The following CARM1 variants were observed in gnomAD, a reference collection of about 807,000 sequenced individuals.
CARM1 encodes the protein histone-arginine methyltransferase CARM1.
A neutral mutation model predicts 72.7 loss-of-function variants in CARM1; 14 were observed. The observed-to-expected ratio is 0.19, with a 90% CI of 0.13 to 0.30. The LOEUF is 0.30. Ranked by LOEUF, CARM1 falls within the 10% of genes least tolerant of loss-of-function variation. CARM1 has a pLI of 1.00. For synonymous variants in CARM1, 333 were observed against 345.5 expected (o/e 0.96, Z 0.40); for missense variants, 432 against 833.7 (o/e 0.52, Z 5.93).
intron 2 of CARM1, among the ~76,000 whole-genome samples, chr19:10,905,706 GC>G (rs1463347983): frequency 6.6e-6 from 1 of 152,132 alleles, no homozygotes; most frequent in East Asian, 1.9e-4. Context: ...GTGCCCATGA[GC>G]CACTGCCGGC....
chr19:10,873,472 C>T lies in CARM1; in HGVS notation c.220+1550C>T, dbSNP rs2073835712. 2.0e-5 allele frequency among the ~76,000 whole-genome samples: 3 copies of T among 151,330 alleles called. No individual in the cohort carries two copies. In the Admixed American group the frequency reaches 2.0e-4, roughly 10 times the overall value. On this transcript the variant is annotated intron_variant, in intron 1 of 15. Coordinates refer to ENST00000327064, the MANE Select transcript of CARM1 (RefSeq NM_199141.2). ...CGGGGTGTGGTGACATGTGCCTGTC[C>T]CAGCTACTCGGGAGGCAGAGGCAGG... is the stretch of plus-strand genomic sequence containing the variant.
intron 2 of CARM1, among the ~76,000 whole-genome samples, chr19:10,907,326 G>A (rs2074113178): frequency 6.6e-6 from 1 of 152,156 alleles, no homozygotes; most frequent in African/African-American, 2.4e-5. Context: ...GAGAACCACT[G>A]TCCCCAGCCA....
intron 1 of CARM1, among the ~76,000 whole-genome samples, chr19:10,885,521 A>G (rs1357957241): frequency 6.6e-6 from 1 of 152,176 alleles, no homozygotes; most frequent in Non-Finnish European, 1.5e-5. Context: ...GGACTGCAGA[A>G]AGGCCCCTGG....
At position 10,920,329 on chromosome 19, in the gene CARM1, T is replaced by C. The variant is rs2074231853; in HGVS notation, c.1197-107T>C. On this transcript the variant is annotated intron_variant, in intron 10 of 15. Coordinates refer to ENST00000327064, the MANE Select transcript of CARM1 (RefSeq NM_199141.2). The surrounding 1 kb of genome is among the most constrained non-coding windows in gnomAD (Gnocchi z 5.3). Reference sequence around the variant, plus strand: ...TGTCTCTGCTCCAGGGTCCCAGGGGTCCCTGGCAGAGGGGGCAGGTGCTTG... The same window carrying C: ...TGTCTCTGCTCCAGGGTCCCAGGGGCCCCTGGCAGAGGGGGCAGGTGCTTG... 5 of 1,314,184 alleles carry C rather than the reference T, an allele frequency of 3.8e-6. No individual in the cohort carries two copies. Among genetic ancestry groups the C allele is most frequent in the Non-Finnish European group, 1.0e-6 (1 of 960,024 alleles). 81.4% of individuals were successfully genotyped at this position (1,314,184 alleles called of 1,614,324 possible).
At chr19:10,902,387 G>A (rs988253156) in intron 1 of CARM1, among the ~76,000 whole-genome samples, 9 of 142,238 alleles carry the variant, frequency 6.3e-5, no homozygotes, top group East Asian at 2.3e-4. Flanking sequence ...TCCACCTCCC[G>A]GGTTCACACC....
At chr19:10,913,852 C>A in intron 5 of CARM1, 25 bp from the exon 6 acceptor site, 1 of 1,602,000 alleles carries the variant, frequency 6.2e-7, no homozygotes, top group Non-Finnish European at 8.5e-7. Context: ...CGCAGGGAAG[C>A]CCACATGGCC....
At chr19:10,899,379 A>G (rs924647064) in intron 1 of CARM1, among the ~76,000 whole-genome samples, 14 of 152,230 alleles carry the variant, frequency 9.2e-5, no homozygotes, top group African/African-American at 3.4e-4. Flanking sequence ...TGTGGCTAAC[A>G]GATCGACAGT....
At position 10,921,734 on chromosome 19, in the gene CARM1, A is replaced by G. The variant is rs766922607; in HGVS notation, c.1804A>G (p.Asn602Asp). 1.9e-6 allele frequency: 3 copies of G among 1,610,354 alleles called. No homozygotes were observed. The highest frequency in any genetic ancestry group is 1.7e-5 in the Admixed American group (1 of 59,688). The change falls in exon 16 of 16, where the codon AAC becomes GAC. Residue 602 changes from asparagine to aspartate, a missense_variant. Coordinates refer to ENST00000327064, the MANE Select transcript of CARM1 (RefSeq NM_199141.2). ...SMASPMSIPT[N>D]TMHYGS ...GGCGTCGCCCATGTCCATCCCGACC[A>G]ACACCATGCACTACGGGAGCTAGGG...
rs2074024561 is a variant in CARM1 at position 10,896,439 on chromosome 19, A to G, written c.221-8512A>G. On this transcript the variant is annotated intron_variant, in intron 1 of 15. Transcript: ENST00000327064. The surrounding 1 kb of genome is among the most constrained non-coding windows in gnomAD (Gnocchi z 5.2). ...TCCACCAAGAGCTGCCCTCTTCCCCATCCCCATTGCCTCCTGCCTGGCCAG... is the reference window on the plus strand; with the variant it reads ...TCCACCAAGAGCTGCCCTCTTCCCCGTCCCCATTGCCTCCTGCCTGGCCAG... Among the ~76,000 whole-genome samples the G allele has an allele frequency of 6.6e-6, 1 of 151,342 alleles. No homozygotes were observed. Among genetic ancestry groups the G allele is most frequent in the African/African-American group, 2.4e-5 (1 of 41,104 alleles).
chr19:10,901,839 G>C (rs1430296152), intron 1 of CARM1, among the ~76,000 whole-genome samples: 2 of 152,212 alleles, frequency 1.3e-5, no homozygotes, highest in Non-Finnish European at 2.9e-5. Flanking sequence ...TACTCAGGAG[G>C]CTGAGGCATA....
At chr19:10,885,650 G>T (rs1051928823) in intron 1 of CARM1, among the ~76,000 whole-genome samples, 2 of 152,212 alleles carry the variant, frequency 1.3e-5, no homozygotes, top group Non-Finnish European at 2.9e-5. Context: ...ACATTCCAGA[G>T]AATTTGCTGC....
intron 1 of CARM1, among the ~76,000 whole-genome samples, chr19:10,901,765 A>G (rs1021967250): frequency 2.6e-5 from 4 of 152,066 alleles, no homozygotes; most frequent in African/African-American, 9.7e-5. Context: ...AACATGACAA[A>G]ACCCCGTCTC....
At chr19:10,872,869 C>T (rs2073830826) in intron 1 of CARM1, among the ~76,000 whole-genome samples, 1 of 152,080 alleles carries the variant, frequency 6.6e-6, no homozygotes, top group Non-Finnish European at 1.5e-5. Flanking sequence ...CCCTGGGGAA[C>T]CCCTCAGGAG....
rs770781298 is a variant in CARM1 at position 10,920,633 on chromosome 19, T to C, written c.1335-26T>C. 1.2e-5 allele frequency: 20 copies of C among 1,613,988 alleles called. No homozygotes were observed. The highest frequency in any genetic ancestry group is 6.7e-5 in the Admixed American group (4 of 59,998). On this transcript the variant is annotated intron_variant, in intron 11 of 15. Transcript: ENST00000327064. This position sits in a 1 kb window ranked among gnomAD's most constrained non-coding sequence, Gnocchi z 5.3. ...AGGGGTCCATCTGCCCAGCAGCTCA[T>C]GCCACGGCCTGCACCCTGTCCGCAG... is the stretch of plus-strand genomic sequence containing the variant.
rs545442609 is a variant in CARM1, at chr19:10,918,404, G to A, written c.1021-1191G>A. Among the ~76,000 whole-genome samples, 444 of 151,978 alleles carry A rather than the reference G, an allele frequency of 2.9e-3. 2 individuals are homozygous for A. The Middle Eastern group carries it at 0.034, about 12-fold the overall frequency. ...CCATGCCCGGCTAATTTATTTTTTT[G>A]TAGATATGGGGCCTCACTGTGTTAC... On this transcript the variant is annotated intron_variant, in intron 8 of 15. Transcript: ENST00000327064.
intron 1 of CARM1, among the ~76,000 whole-genome samples, chr19:10,898,646 G>A (rs897240987): frequency 6.6e-6 from 1 of 152,246 alleles, no homozygotes; most frequent in African/African-American, 2.4e-5. Flanking sequence ...GTTTCCTGCG[G>A]GCAGGGCTGC....
chr19:10,891,983 C>T (rs2073991351), intron 1 of CARM1, among the ~76,000 whole-genome samples: 1 of 152,154 alleles, frequency 6.6e-6, no homozygotes, highest in South Asian at 2.1e-4. Flanking sequence ...CAGACAAGCC[C>T]CATGAATGCA....
intron 1 of CARM1, among the ~76,000 whole-genome samples, chr19:10,883,305 T>C (rs2085204971): frequency 1.3e-5 from 2 of 152,082 alleles, no homozygotes. Flanking sequence ...TGGGGGTAGG[T>C]AGGACACAGA....
intron 1 of CARM1, among the ~76,000 whole-genome samples, chr19:10,875,311 T>C (rs1485420734): frequency 6.6e-6 from 1 of 152,088 alleles, no homozygotes; most frequent in African/African-American, 2.4e-5. Context: ...TTCACTCCTG[T>C]GTCTTGTGTC....
Sources: gnomAD v4.1 joint callset for allele counts (sites outside exome capture counted in the v4.1 genomes callset) on GRCh38, gnomAD v4.1.1 for gene constraint, Gnocchi (gnomAD v3.1) non-coding constraint, MANE v1.5 for transcripts, NCBI Gene and HGNC (gene_info 2026-07-23, HGNC 2026-07-21) for gene names.